The following KCNMB2 variants were observed in gnomAD, a reference collection of about 807,000 sequenced individuals.
KCNMB2 encodes the protein calcium-activated potassium channel subunit beta-2.
In KCNMB2, 9 loss-of-function variants were observed where a neutral mutation model predicts 24.5. That is an observed-to-expected ratio of 0.37 (90% CI 0.22 to 0.64). The LOEUF (loss-of-function observed/expected upper bound fraction) is 0.64, where lower values mean the gene tolerates loss of function less well. KCNMB2 is among the 30% of genes least tolerant of loss of function. The probability of loss-of-function intolerance (pLI) is 0.63; values close to 1 mark genes in which losing one functional copy is unlikely to be tolerated. For synonymous variants in KCNMB2, 109 were observed against 104.4 expected, an observed-to-expected ratio of 1.04 and a Z score of -0.27; for missense variants, 226 against 284.3, an observed-to-expected ratio of 0.79 and a Z score of 1.47.
chr3:178,691,680 C>T (rs1461024017), intron 1 of KCNMB2, among the ~76,000 whole-genome samples: 1 of 152,114 alleles, frequency 6.6e-6, no homozygotes, highest in African/African-American at 2.4e-5. Flanking sequence ...ATGTTGATTC[C>T]ATGTCTCTGC....
chr3:178,623,924 G>A (rs911038753), intron 1 of KCNMB2, among the ~76,000 whole-genome samples: 9 of 152,154 alleles, frequency 5.9e-5, no homozygotes, highest in African/African-American at 2.2e-4. Flanking sequence ...ATTTGCCCAG[G>A]AGCTCTCCTG....
intron 1 of KCNMB2, among the ~76,000 whole-genome samples, chr3:178,638,301 A>G (rs1719600863): frequency 6.6e-6 from 1 of 152,088 alleles, no homozygotes. Flanking sequence ...CCTCATTTCA[A>G]CCAAACATTT....
At position 178,699,394 on chromosome 3, in the gene KCNMB2, G is replaced by A. The variant is rs569142503; in HGVS notation, c.-67-107949G>A. Among the ~76,000 whole-genome samples, 4 of 152,328 alleles carry A rather than the reference G, an allele frequency of 2.6e-5. No individual in the cohort carries two copies. In the East Asian group the frequency reaches 7.7e-4, roughly 29 times the overall value. The stretch of plus-strand genomic sequence containing the variant: ...GCAAAGTAATGCAAAACCCACCTGT[G>A]AAGACACACACCAGCAAAGTGATAT... On this transcript the variant is annotated intron_variant, in intron 1 of 4. Transcript: ENST00000452583.
At chr3:178,627,829 C>A (rs1396104314) in intron 1 of KCNMB2, among the ~76,000 whole-genome samples, 1 of 152,124 alleles carries the variant, frequency 6.6e-6, no homozygotes, top group Non-Finnish European at 1.5e-5. Context: ...CCAGTGCAAT[C>A]AAATATTCTG....
At chr3:178,601,741 C>CT (rs1279159301) in intron 1 of KCNMB2, among the ~76,000 whole-genome samples, 1 of 152,088 alleles carries the variant, frequency 6.6e-6, no homozygotes, top group Non-Finnish European at 1.5e-5. Context: ...CTGCATTGTG[C>CT]TTTGAAAAAG....
At chr3:178,784,585 A>G (rs1031064630) in intron 1 of KCNMB2, among the ~76,000 whole-genome samples, 15 of 152,202 alleles carry the variant, frequency 9.9e-5, no homozygotes, top group Non-Finnish European at 1.8e-4. Flanking sequence ...GAAAGCATAG[A>G]TTTTTTTAAA....
At chr3:178,806,331 A>G (rs116014520) in intron 1 of KCNMB2, among the ~76,000 whole-genome samples, 6 of 152,314 alleles carry the variant, frequency 3.9e-5, no homozygotes, top group Admixed American at 3.3e-4. Flanking sequence ...AGATATATGC[A>G]TGTTCATTTC....
intron 1 of KCNMB2, among the ~76,000 whole-genome samples, chr3:178,648,817 T>C (rs1279080245): frequency 6.6e-6 from 1 of 152,230 alleles, no homozygotes; most frequent in Non-Finnish European, 1.5e-5. Context: ...ATATTTAATG[T>C]CACTTATAGT....
intron 1 of KCNMB2, among the ~76,000 whole-genome samples, chr3:178,596,640 T>C (rs1717881796): frequency 6.6e-6 from 1 of 151,880 alleles, no homozygotes; most frequent in Non-Finnish European, 1.5e-5. Context: ...CTTAAAAGAG[T>C]CAACAAGTTT....
At chr3:178,559,165 T>G (rs1017380946) in intron 1 of KCNMB2, among the ~76,000 whole-genome samples, 3 of 152,150 alleles carry the variant, frequency 2.0e-5, no homozygotes, top group Non-Finnish European at 2.9e-5. Context: ...TTTGCTGGCT[T>G]TGGAACTATC....
At chr3:178,747,183 T>C (rs558231367) in intron 1 of KCNMB2, 8 of 152,822 alleles carry the variant, frequency 5.2e-5, no homozygotes, top group African/African-American at 1.9e-4. Context: ...CTCACAATCA[T>C]GCAGAAGGCA....
At chr3:178,815,874 A>C (rs1422388477) in intron 2 of KCNMB2, among the ~76,000 whole-genome samples, 1 of 152,024 alleles carries the variant, frequency 6.6e-6, no homozygotes, top group Non-Finnish European at 1.5e-5. Flanking sequence ...TCCTGGGATA[A>C]CCACAGCTTG....
Position 178,813,232 on chromosome 3 carries a change from C to A in KCNMB2, c.56+5767C>A, listed in dbSNP as rs376960708. On this transcript the variant is annotated intron_variant, in intron 2 of 4. Transcript: ENST00000452583. The stretch of plus-strand genomic sequence containing the variant: ...ATTGAAATGGCATTGAATTTATTGA[C>A]TAACTGAATTGTTTTAAATATTGAG... Among the ~76,000 whole-genome samples the A allele has an allele frequency of 6.3e-4, 96 of 152,184 alleles. 1 individual carries two copies. In the South Asian group the frequency reaches 0.011, roughly 17 times the overall value.
At chr3:178,813,776 T>C (rs1235608899) in intron 2 of KCNMB2, among the ~76,000 whole-genome samples, 1 of 152,250 alleles carries the variant, frequency 6.6e-6, no homozygotes, top group African/African-American at 2.4e-5. Flanking sequence ...AATTAAGTCT[T>C]TAAAATTGTA....
intron 1 of KCNMB2, among the ~76,000 whole-genome samples, chr3:178,718,969 C>T (rs1204472282): frequency 3.3e-5 from 5 of 152,144 alleles, no homozygotes. Context: ...TGGGGTTTAA[C>T]ACAAGCTATG....
chr3:178,691,107 C>CTTTTTTTTTTTTTTTTTTTTTTTGT (rs71181241), intron 1 of KCNMB2, among the ~76,000 whole-genome samples: 1 of 79,688 alleles, frequency 1.3e-5, no homozygotes, highest in Non-Finnish European at 2.2e-5. Context: ...CCCATTAAGT[C>CTTTTTTTTTTTTTTTTTTTTTTTGT]TTTTTTTTTT....
intron 1 of KCNMB2, among the ~76,000 whole-genome samples, chr3:178,727,342 C>T (rs1285362268): frequency 6.6e-6 from 1 of 152,074 alleles, no homozygotes; most frequent in Non-Finnish European, 1.5e-5. Context: ...ATTTAGAAGG[C>T]TTTTATTAGT....
intron 1 of KCNMB2, among the ~76,000 whole-genome samples, chr3:178,607,821 T>C (rs567412344): frequency 2.6e-5 from 4 of 152,322 alleles, no homozygotes; most frequent in East Asian, 3.9e-4. Flanking sequence ...AATACAGTCA[T>C]TTAAAATGAG....
In KCNMB2 at chr3:178,561,333, C is replaced by A. The variant is rs189038950; in HGVS notation, c.-68+24622C>A. Among the ~76,000 whole-genome samples the A allele has an allele frequency of 6.6e-4, 100 of 152,176 alleles. 2 individuals are homozygous for A. The highest frequency in any genetic ancestry group is 4.4e-5 in the Non-Finnish European group (3 of 68,006). On this transcript the variant is annotated intron_variant, in intron 1 of 4. Coordinates refer to ENST00000452583, the MANE Select transcript of KCNMB2 (RefSeq NM_181361.3). The stretch of plus-strand genomic sequence containing the variant: ...GATTACTGTAAGTAGCACATGATCC[C>A]CTTTGCTATCAATAAAAACAAAACA...
Sources: gnomAD v4.1 joint callset for allele counts (sites outside exome capture counted in the v4.1 genomes callset) on GRCh38, gnomAD v4.1.1 for gene constraint, MANE v1.5 for transcripts, NCBI Gene and HGNC (gene_info 2026-07-23, HGNC 2026-07-21) for gene names.